Variants in OAS2 observed in about 807,000 individuals in gnomAD.
The protein encoded by OAS2 is 2'-5'-oligoadenylate synthetase 2.
OAS2 carries 67 observed loss-of-function variants against 71.3 expected under a neutral mutation model. That is an observed-to-expected ratio of 0.94 (90% CI 0.77 to 1.15). OAS2 has a LOEUF of 1.15. Among genes scored for constraint, OAS2 ranks in the 50% most tolerant of loss-of-function variants. OAS2 has a pLI of 0.00. For missense variants in OAS2, 789 were observed against 822.5 expected, an observed-to-expected ratio of 0.96 and a Z score of 0.50; for synonymous variants, 327 against 321.8, an observed-to-expected ratio of 1.02 and a Z score of -0.17.
intron 2 of OAS2, among the ~76,000 whole-genome samples, chr12:112,990,489 A>C (rs2044181160): frequency 6.6e-6 from 1 of 152,198 alleles, no homozygotes; most frequent in Admixed American, 6.5e-5. Flanking sequence ...GCCTCCAGGT[A>C]GCAGGCTTCA....
At chr12:112,989,104 CAT>C (rs1487495635) in intron 2 of OAS2, among the ~76,000 whole-genome samples, 1 of 152,188 alleles carries the variant, frequency 6.6e-6, no homozygotes, top group African/African-American at 2.4e-5. Flanking sequence ...ACAATTTCCA[CAT>C]GTCATGGGAG....
rs913647158 is a variant in OAS2, at chr12:112,991,218, C to T, written c.448+3910C>T. Among the ~76,000 whole-genome samples, 5 of 152,328 alleles carry T rather than the reference C, an allele frequency of 3.3e-5. No homozygotes were observed. The South Asian group carries it at 8.3e-4, about 25-fold the overall frequency. On this transcript the variant is annotated intron_variant, in intron 2 of 9. Coordinates refer to ENST00000392583, the MANE Select transcript of OAS2 (RefSeq NM_002535.3). ...CCAGCCTTTTATTTTTGGATAACTC[C>T]AACTCATCCTTTAAGTCCTCTGGCT...
At chr12:113,005,810 G>A (rs1221115499) in intron 7 of OAS2, among the ~76,000 whole-genome samples, 1 of 149,940 alleles carries the variant, frequency 6.7e-6, no homozygotes, top group African/African-American at 2.5e-5. Context: ...AGGATTGCTT[G>A]AGCCCAGGAG....
In OAS2 at chr12:113,006,443, C is replaced by A; in HGVS notation, c.1499C>A (p.Pro500His). The A allele has an allele frequency of 6.3e-7, 1 of 1,580,706 alleles. No individual in the cohort carries two copies. Among genetic ancestry groups the A allele is most frequent in the Non-Finnish European group, 8.7e-7 (1 of 1,154,600 alleles). Residue 500 changes from proline to histidine, a missense_variant, in exon 8 of 10, where the codon CCC becomes CAC. Transcript: ENST00000392583. ...CTGAGTTCTGGCTCCACACCCAGCCCCGAGGTTTATGCAGGGCTCATTGAT... is the reference window on the plus strand; with the variant it reads ...CTGAGTTCTGGCTCCACACCCAGCCACGAGGTTTATGCAGGGCTCATTGAT... Reference protein sequence around the residue: ...GQLSSGSTPSPEVYAGLIDLY... With the variant: ...GQLSSGSTPSHEVYAGLIDLY...
chr12:113,007,939 A>C lies in OAS2; in HGVS notation c.1891A>C (p.Thr631Pro). The change falls in exon 9 of 10, where the codon ACC (threonine) becomes CCC (proline). Residue 631 changes from threonine to proline, a missense_variant. Physicochemically the swap from Thr to Pro is conservative, Grantham distance 38. Coordinates refer to ENST00000392583, the MANE Select transcript of OAS2 (RefSeq NM_002535.3). ...RKFLLSQLQK[T>P]RPVILDPAEP... ...GTTTCTACTGAGCCAGTTGCAGAAAACCAGGTGCCTTCACCCTAGCCCCGT... is the reference window on the plus strand; with the variant it reads ...GTTTCTACTGAGCCAGTTGCAGAAACCCAGGTGCCTTCACCCTAGCCCCGT... 1.2e-6 allele frequency: 2 copies of C among 1,610,442 alleles called. No homozygotes were observed. Among genetic ancestry groups the C allele is most frequent in the Non-Finnish European group, 1.7e-6 (2 of 1,176,676 alleles).
Position 112,993,220 on chromosome 12 carries a change from C to T in OAS2, c.449-2076C>T, listed in dbSNP as rs117290988. On this transcript the variant is annotated intron_variant, in intron 2 of 9. Transcript: ENST00000392583. ...AGGTCCAGGCTGGCTGTCTCCAATTCTGCATCTCTTTCCACCACTGTGTGC... is the reference window on the plus strand; with the variant it reads ...AGGTCCAGGCTGGCTGTCTCCAATTTTGCATCTCTTTCCACCACTGTGTGC... Among the ~76,000 whole-genome samples the T allele has an allele frequency of 1.2e-3, 184 of 152,288 alleles. 5 individuals carry two copies. The East Asian group carries it at 0.03, about 25-fold the overall frequency.
chr12:112,995,189 A>G (rs1441179866), intron 2 of OAS2, 107 bp from the exon 3 acceptor site: 1 of 978,800 alleles, frequency 1.0e-6, no homozygotes, highest in Non-Finnish European at 1.5e-6. Context: ...CGATTAAGCA[A>G]GAGTCGTGTG....
Position 113,007,786 on chromosome 12 carries a change from G to T in OAS2, c.1738G>T (p.Gly580Trp), listed in dbSNP as rs2044347590. 2 of 1,614,082 alleles carry T rather than the reference G, an allele frequency of 1.2e-6. No individual in the cohort carries two copies. Among genetic ancestry groups the T allele is most frequent in the African/African-American group, 2.7e-5 (2 of 74,944 alleles). The change falls in exon 9 of 10, where the codon GGG becomes TGG. Residue 580 changes from glycine (G) to tryptophan (W), a missense_variant. Transcript: ENST00000392583. ...GCTCACCATCTATGCCTGGGAGCAG[G>T]GGAGTGGAGTGCCGGATTTTGACAC... Reference protein sequence around the residue: ...ELLTIYAWEQGSGVPDFDTAE... With the variant: ...ELLTIYAWEQWSGVPDFDTAE...
chr12:112,995,710 G>A (rs540668430), intron 3 of OAS2, among the ~76,000 whole-genome samples: 8 of 152,128 alleles, frequency 5.3e-5, no homozygotes, highest in African/African-American at 7.2e-5. Flanking sequence ...TATTACCACC[G>A]CAGATTAGTT....
chr12:113,000,633 AC>A (rs1335063157), intron 5 of OAS2, among the ~76,000 whole-genome samples: 3 of 150,178 alleles, frequency 2.0e-5, no homozygotes, highest in African/African-American at 7.4e-5. Flanking sequence ...ACATGCACAC[AC>A]GTACTCACAC....
intron 2 of OAS2, among the ~76,000 whole-genome samples, chr12:112,991,456 G>T (rs777895827): frequency 1.3e-5 from 2 of 152,236 alleles, no homozygotes; most frequent in East Asian, 3.8e-4. Context: ...AGCACAGTTT[G>T]CTTTTGTACG....
At chr12:112,996,430 C>A (rs2044232503) in intron 3 of OAS2, among the ~76,000 whole-genome samples, 1 of 152,006 alleles carries the variant, frequency 6.6e-6, no homozygotes. Context: ...TTAACCATAG[C>A]AAATCTTGCC....
At position 113,002,716 on chromosome 12, in the gene OAS2, T is replaced by C. The variant is rs557348866; in HGVS notation, c.1009-216T>C. ...GGGGAAGGAGGGGCAACTAGGACAG[T>C]TTTTGTGTCTGTGGGGGGTCTTGTG... On this transcript the variant is annotated intron_variant, in intron 5 of 9. Transcript: ENST00000392583. 2.0e-5 allele frequency among the ~76,000 whole-genome samples: 3 copies of C among 152,202 alleles called. No homozygotes were observed. The East Asian group carries it at 5.8e-4, about 29-fold the overall frequency.
At chr12:112,993,406 G>C (rs1393624907) in intron 2 of OAS2, among the ~76,000 whole-genome samples, 1 of 152,162 alleles carries the variant, frequency 6.6e-6, no homozygotes, top group Non-Finnish European at 1.5e-5. Context: ...TACATAAAAG[G>C]CTTAGAGTAA....
In OAS2 at chr12:113,009,969, T is replaced by C. The variant is rs1213649173; in HGVS notation, c.*714T>C. ...TTAAAGCAGGATTTCTCAACTTTGA[T>C]ACTTACTCACATTTGGGGCTAGACA... On this transcript the variant is annotated 3_prime_UTR_variant, in exon 10 of 10. Coordinates refer to ENST00000392583, the MANE Select transcript of OAS2 (RefSeq NM_002535.3). 3 of 985,188 alleles carry C rather than the reference T, an allele frequency of 3.0e-6. No homozygotes were observed. Among genetic ancestry groups the C allele is most frequent in the Non-Finnish European group, 2.4e-6 (2 of 829,428 alleles). The allele number at this position is 985,188 out of a possible 1,614,324, so 61.0% of individuals were successfully genotyped here.
In OAS2 at chr12:113,010,570, C is replaced by T; in HGVS notation, c.*1315C>T. The T allele has an allele frequency of 1.3e-6, 2 of 1,540,116 alleles. No individual in the cohort carries two copies. The highest frequency in any genetic ancestry group is 1.7e-6 in the Non-Finnish European group (2 of 1,150,828). ...CATTCTTCCCTTGATGGTCCCTATT[C>T]CTCCTTCCCTTGCTTCTTGGACTTC... On this transcript the variant is annotated 3_prime_UTR_variant, in exon 10 of 10. Transcript: ENST00000392583.
intron 6 of OAS2, among the ~76,000 whole-genome samples, chr12:113,003,764 T>A (rs1435169210): frequency 6.6e-6 from 1 of 152,198 alleles, no homozygotes; most frequent in Non-Finnish European, 1.5e-5. Context: ...GATAAACGTG[T>A]CCCCGTGGTC....
At position 113,007,884 on chromosome 12, in the gene OAS2, T is replaced by C. The variant is rs2044348710; in HGVS notation, c.1836T>C (p.Asn612=). 2 of 1,614,002 alleles carry C rather than the reference T, an allele frequency of 1.2e-6. No individual in the cohort carries two copies. Among genetic ancestry groups the C allele is most frequent in the Admixed American group, 1.7e-5 (1 of 59,992 alleles). ...AGCTCTGCATCTTCTGGAAGGTCAA[T>C]TACAACTTTGAAGATGAGACCGTGA... ...YQQLCIFWKV[N]YNFEDETVRK... is the part of the protein sequence containing the mutation. Residue 612 remains asparagine, a synonymous_variant, in exon 9 of 10, where the codon AAT becomes AAC. Coordinates refer to ENST00000392583, the MANE Select transcript of OAS2 (RefSeq NM_002535.3).
chr12:113,005,330 T>G, intron 7 of OAS2, 108 bp downstream of exon 7: 1 of 1,102,828 alleles, frequency 9.1e-7, no homozygotes, highest in Non-Finnish European at 1.3e-6. Context: ...CATGGGTCCC[T>G]GGCCCCAGCA....
Sources: gnomAD v4.1 joint callset for allele counts (sites outside exome capture counted in the v4.1 genomes callset) on GRCh38, gnomAD v4.1.1 for gene constraint, MANE v1.5 for transcripts, NCBI Gene and HGNC (gene_info 2026-07-23, HGNC 2026-07-21) for gene names.